CTNNA3: variants seen among roughly 807,000 people sequenced by gnomAD.
The protein encoded by CTNNA3 is catenin alpha-3.
Under a neutral mutation model 95.7 loss-of-function variants are expected in CTNNA3, and 76 were observed. That is an observed-to-expected ratio of 0.79 (90% confidence interval 0.66 to 0.96). The LOEUF (loss-of-function observed/expected upper bound fraction) is 0.96, where lower values mean the gene tolerates loss of function less well. CTNNA3 is among the 40% of genes least tolerant of loss of function. The pLI is 0.00. For synonymous variants in CTNNA3, 431 were observed against 374.4 expected (o/e 1.15, Z -1.74); for missense variants, 1,191 against 1,089.8 (o/e 1.09, Z -1.31).
intron 11 of CTNNA3, among the ~76,000 whole-genome samples, chr10:66,499,119 C>T (rs1167780924): frequency 3.9e-5 from 6 of 152,070 alleles, no homozygotes; most frequent in Non-Finnish European, 7.4e-5. Flanking sequence ...TGATGTTTTG[C>T]TTGTTTCCCC....
chr10:66,071,304 C>T (rs191437525), intron 14 of CTNNA3, among the ~76,000 whole-genome samples: 1 of 51,018 alleles, frequency 2.0e-5, no homozygotes, highest in Non-Finnish European at 4.5e-5. Flanking sequence ...AAATAACTGT[C>T]AAAGGCTTTT....
intron 16 of CTNNA3, among the ~76,000 whole-genome samples, chr10:65,975,095 T>C (rs1000819908): frequency 3.9e-5 from 6 of 152,122 alleles, no homozygotes; most frequent in Non-Finnish European, 8.8e-5. Context: ...CCAGAGTGTG[T>C]GCACAAGATG....
intron 6 of CTNNA3, among the ~76,000 whole-genome samples, chr10:67,193,657 C>A (rs1487119217): frequency 1.3e-5 from 2 of 152,134 alleles, no homozygotes; most frequent in African/African-American, 2.4e-5. Flanking sequence ...CATGTTCCTG[C>A]AAAGGACATA....
intron 4 of CTNNA3, among the ~76,000 whole-genome samples, chr10:67,526,397 A>C (rs1840146872): frequency 6.6e-6 from 1 of 151,260 alleles, no homozygotes; most frequent in African/African-American, 2.4e-5. Context: ...AAAAGTTAAG[A>C]ACATAGAGCA....
chr10:67,213,517 A>G (rs186258538), intron 6 of CTNNA3, among the ~76,000 whole-genome samples: 1 of 151,846 alleles, frequency 6.6e-6, no homozygotes, highest in Non-Finnish European at 1.5e-5. Flanking sequence ...TCAAACTCCA[A>G]GTGGAAACTT....
At chr10:65,995,780 T>A (rs1188273935) in intron 15 of CTNNA3, among the ~76,000 whole-genome samples, 1 of 152,174 alleles carries the variant, frequency 6.6e-6, no homozygotes, top group African/African-American at 2.4e-5. Flanking sequence ...GTGGCTGTGA[T>A]GAGCTGGGTG....
At chr10:66,121,684 A>G (rs1464073434) in intron 13 of CTNNA3, among the ~76,000 whole-genome samples, 2 of 152,094 alleles carry the variant, frequency 1.3e-5, no homozygotes, top group Non-Finnish European at 2.9e-5. Context: ...ACCCCTCTCT[A>G]CAAAAAATTA....
chr10:67,609,445 T>A (rs566908001), intron 2 of CTNNA3, among the ~76,000 whole-genome samples: 1 of 151,328 alleles, frequency 6.6e-6, no homozygotes, highest in Non-Finnish European at 1.5e-5. Flanking sequence ...TTTTTATCCA[T>A]GAACTAAAAA....
At chr10:66,218,954 A>G (rs2088733152) in intron 13 of CTNNA3, among the ~76,000 whole-genome samples, 1 of 152,218 alleles carries the variant, frequency 6.6e-6, no homozygotes, top group Non-Finnish European at 1.5e-5. Context: ...CTAGGAACAA[A>G]GACTCCTTTG....
intron 5 of CTNNA3, among the ~76,000 whole-genome samples, chr10:67,314,896 C>T (rs1474015207): frequency 6.6e-6 from 1 of 152,050 alleles, no homozygotes. Context: ...TATCAGCGAC[C>T]CAAATGACTT....
chr10:65,984,760 T>G lies in CTNNA3; in HGVS notation c.2265+3932A>C, dbSNP rs201963700. Among the ~76,000 whole-genome samples, 801 of 151,090 alleles carry G rather than the reference T, an allele frequency of 5.3e-3. 8 individuals carry two copies. The highest frequency in any genetic ancestry group is 0.024 in the East Asian group (122 of 5,162). On this transcript the variant is annotated intron_variant, in intron 16 of 17. Transcript: ENST00000433211. ...GTGTTTCAAAATAAACAGAAAAAAA[T>G]GGGAGGAAGCATTCAGTATTTAAAA...
At chr10:66,340,076 G>A (rs924155808) in intron 12 of CTNNA3, among the ~76,000 whole-genome samples, 1 of 151,752 alleles carries the variant, frequency 6.6e-6, no homozygotes, top group South Asian at 2.1e-4. Context: ...TAATAAAAAA[G>A]GACAGGGTTA....
intron 4 of CTNNA3, among the ~76,000 whole-genome samples, chr10:67,525,145 G>T (rs1840103463): frequency 7.4e-6 from 1 of 135,396 alleles, no homozygotes; most frequent in South Asian, 2.7e-4. Context: ...GTTGAACCTT[G>T]AATTTATCCT....
At chr10:66,231,295 A>G (rs1319807058) in intron 13 of CTNNA3, among the ~76,000 whole-genome samples, 1 of 152,044 alleles carries the variant, frequency 6.6e-6, no homozygotes, top group Non-Finnish European at 1.5e-5. Context: ...CATTTTCTCT[A>G]TATGCATATA....
At chr10:66,913,267 A>AAAAG in intron 7 of CTNNA3, among the ~76,000 whole-genome samples, 1 of 141,916 alleles carries the variant, frequency 7.0e-6, no homozygotes, top group Non-Finnish European at 1.6e-5. Context: ...AAAAAAAAAG[A>AAAAG]AAAAGAAAAA....
chr10:67,412,729 A>C (rs1845411541), intron 5 of CTNNA3, among the ~76,000 whole-genome samples: 1 of 152,094 alleles, frequency 6.6e-6, no homozygotes, highest in Non-Finnish European at 1.5e-5. Context: ...AGGAAATTCC[A>C]ACCAAAAATT....
At chr10:67,603,388 T>C (rs541844003) in intron 3 of CTNNA3, among the ~76,000 whole-genome samples, 2 of 152,312 alleles carry the variant, frequency 1.3e-5, no homozygotes, top group South Asian at 2.1e-4. Context: ...AGTAACATTG[T>C]AGTGCAACGC....
intron 4 of CTNNA3, among the ~76,000 whole-genome samples, chr10:67,538,685 T>C (rs189866256): frequency 1.1e-3 from 161 of 152,246 alleles, no homozygotes; most frequent in African/African-American, 3.8e-3. Flanking sequence ...GTTAATCAAA[T>C]AAGACCATTG....
intron 7 of CTNNA3, among the ~76,000 whole-genome samples, chr10:67,078,589 T>C (rs1856863326): frequency 6.6e-6 from 1 of 152,124 alleles, no homozygotes; most frequent in African/African-American, 2.4e-5. Flanking sequence ...CAATCTCGGC[T>C]CACTGCAACC....
Sources: gnomAD v4.1 joint callset for allele counts (sites outside exome capture counted in the v4.1 genomes callset) on GRCh38, gnomAD v4.1.1 for gene constraint, MANE v1.5 for transcripts, NCBI Gene and HGNC (gene_info 2026-07-23, HGNC 2026-07-21) for gene names.